Variants in TLK2 observed in about 807,000 individuals in gnomAD.
The protein encoded by TLK2 is tousled like kinase 2, also known as serine/threonine-protein kinase tousled-like 2.
In TLK2, 6 loss-of-function variants were observed where a neutral mutation model predicts 117.3. The ratio of observed to expected loss-of-function variants is 0.05; its 90% CI spans 0.03 to 0.10. The LOEUF is 0.10. Among genes scored for constraint, TLK2 ranks in the 10% least tolerant of loss-of-function variants. The probability of loss-of-function intolerance (pLI) is 1.00; values close to 1 mark genes in which losing one functional copy is unlikely to be tolerated. For missense variants in TLK2, 299 were observed against 901.2 expected, an observed-to-expected ratio of 0.33 and a Z score of 8.56; for synonymous variants, 257 against 316.7, an observed-to-expected ratio of 0.81 and a Z score of 2.00.
At chr17:62,536,773 A>C (rs1158740596) in intron 7 of TLK2, among the ~76,000 whole-genome samples, 1 of 152,134 alleles carries the variant, frequency 6.6e-6, no homozygotes, top group Non-Finnish European at 1.5e-5. Context: ...CTGGTCATTT[A>C]CCCCGTGTAG....
rs115220570 is a variant in TLK2 at position 62,588,973 on chromosome 17, G to A, written c.1460+2747G>A. ...CCTGCTAGTAAGGTCTGTTAATTGCGTTTCCATTCATGGGGATGACTTCCC... is the reference window on the plus strand; with the variant it reads ...CCTGCTAGTAAGGTCTGTTAATTGCATTTCCATTCATGGGGATGACTTCCC... On this transcript the variant is annotated intron_variant, in intron 16 of 21. Transcript: ENST00000346027. Among the ~76,000 whole-genome samples, 811 of 152,154 alleles carry A rather than the reference G, an allele frequency of 5.3e-3. 5 individuals carry two copies. Among genetic ancestry groups the A allele is most frequent in the African/African-American group, 0.018 (758 of 41,506 alleles).
intron 2 of TLK2, chr17:62,516,711 T>C: frequency 6.2e-7 from 1 of 1,602,372 alleles, no homozygotes; most frequent in Admixed American, 1.7e-5. Flanking sequence ...CCACCATGAC[T>C]CCCTCCTTAA....
intron 2 of TLK2, among the ~76,000 whole-genome samples, chr17:62,510,629 C>A (rs2075069581): frequency 2.0e-5 from 3 of 152,240 alleles, no homozygotes; most frequent in African/African-American, 7.2e-5. Flanking sequence ...TTGCAGATGT[C>A]TGCCTCCTTC....
chr17:62,485,347 T>C (rs1346385839), intron 2 of TLK2, among the ~76,000 whole-genome samples: 1 of 152,240 alleles, frequency 6.6e-6, no homozygotes, highest in Non-Finnish European at 1.5e-5. Context: ...GTAAATCTTC[T>C]GTTGTATAAC....
At chr17:62,605,739 T>C (rs896161485) in intron 19 of TLK2, among the ~76,000 whole-genome samples, 1 of 151,778 alleles carries the variant, frequency 6.6e-6, no homozygotes, top group African/African-American at 2.4e-5. Context: ...GTGTGGTGGG[T>C]CACACCTATA....
At chr17:62,561,236 C>T (rs2079251631) in intron 10 of TLK2, among the ~76,000 whole-genome samples, 1 of 152,198 alleles carries the variant, frequency 6.6e-6, no homozygotes, top group African/African-American at 2.4e-5. Context: ...CATTGTTGGA[C>T]ATTTGGATTG....
At chr17:62,477,863 CGT>C (rs1372435785), upstream of TLK2, 1 of 152,250 alleles carries the variant, frequency 6.6e-6, no homozygotes, top group Non-Finnish European at 1.5e-5. Context: ...GAGGGGCCGG[CGT>C]GTTTTCTCCA....
Position 62,493,642 on chromosome 17 carries a change from C to T in TLK2, c.81+12436C>T, listed in dbSNP as rs532213250. ...CAAAAGCTTTAGAAGTCTTAGAAAT[C>T]CTGTTAACATATGCAGATGAACTAG... On this transcript the variant is annotated intron_variant, in intron 2 of 21. Coordinates refer to ENST00000346027, the MANE Select transcript of TLK2 (RefSeq NM_006852.6). 1.3e-3 allele frequency among the ~76,000 whole-genome samples: 198 copies of T among 152,320 alleles called. 3 individuals carry two copies. The South Asian group carries it at 0.04, about 31-fold the overall frequency.
intron 7 of TLK2, 190 bp from the exon 8 acceptor site, chr17:62,552,112 A>G: frequency 3.5e-6 from 3 of 845,892 alleles, no homozygotes; most frequent in East Asian, 2.7e-5. Flanking sequence ...ATAAACCACC[A>G]TGTCCAGCCC....
At chr17:62,543,308 A>G (rs537418069) in intron 7 of TLK2, among the ~76,000 whole-genome samples, 19 of 152,176 alleles carry the variant, frequency 1.2e-4, no homozygotes, top group Non-Finnish European at 2.2e-4. Context: ...TGATGTTGCT[A>G]TGAACATTCA....
chr17:62,473,664 A>G (rs1191801435), intron 1 of TLK2, among the ~76,000 whole-genome samples: 1 of 152,176 alleles, frequency 6.6e-6, no homozygotes, highest in African/African-American at 2.4e-5. Flanking sequence ...ATGCAACCTA[A>G]AGTCTGAGAA....
In TLK2 at chr17:62,585,408, C is replaced by T. The variant is rs191811707; in HGVS notation, c.1369-727C>T. 8.5e-5 allele frequency among the ~76,000 whole-genome samples: 13 copies of T among 152,276 alleles called. No individual in the cohort carries two copies. In the East Asian group the frequency reaches 9.7e-4, roughly 11 times the overall value. ...CAAAAATTAGCCGGGCGTGATGGTG[C>T]GTGCCTGTAATCCCAGCTACTCAGG... On this transcript the variant is annotated intron_variant, in intron 15 of 21. Transcript: ENST00000346027.
Position 62,574,201 on chromosome 17 carries a change from G to A in TLK2, c.1121+834G>A, listed in dbSNP as rs72838227. On this transcript the variant is annotated intron_variant, in intron 12 of 21. Coordinates refer to ENST00000346027, the MANE Select transcript of TLK2 (RefSeq NM_006852.6). The stretch of plus-strand genomic sequence containing the variant: ...ATTATATTATTGTTAAAAGTCTGTG[G>A]CATCCTAGAAGTGCATCTTCTTTCA... The A allele has an allele frequency of 4.4e-3, 5,631 of 1,287,248 alleles. 14 individuals carry two copies. The highest frequency in any genetic ancestry group is 5.0e-3 in the Non-Finnish European group (4,935 of 979,100). The allele number at this position is 1,287,248 out of a possible 1,614,324, so 79.7% of individuals were successfully genotyped here. A position where few individuals can be genotyped will look rare whatever the true frequency, so the allele number is the denominator to read the frequency against.
At chr17:62,604,682 G>A (rs2083133445) in intron 19 of TLK2, among the ~76,000 whole-genome samples, 2 of 151,734 alleles carry the variant, frequency 1.3e-5, no homozygotes, top group African/African-American at 2.4e-5. Context: ...AGGCCAAGGC[G>A]GGCGGATCAT....
In TLK2 at chr17:62,482,424, G is replaced by C. The variant is rs557841159; in HGVS notation, c.81+1218G>C. On this transcript the variant is annotated intron_variant, in intron 2 of 21. Transcript: ENST00000346027. ...CTTCTTTGATGGGTCTCACAGTTTT[G>C]GTGAGCCGGGATAGCTTGATAGGGT... is the stretch of plus-strand genomic sequence containing the variant. Among the ~76,000 whole-genome samples the C allele has an allele frequency of 8.6e-5, 13 of 151,484 alleles. No individual in the cohort carries two copies. In the South Asian group the frequency reaches 1.9e-3, roughly 22 times the overall value.
At chr17:62,516,587 G>A in intron 2 of TLK2, 1 of 1,609,878 alleles carries the variant, frequency 6.2e-7, no homozygotes, top group Non-Finnish European at 8.5e-7. Context: ...CAGGCAAAGT[G>A]TTCTTTCACG....
Position 62,478,863 on chromosome 17 carries a change from C to G in TLK2, c.-433C>G, listed in dbSNP as rs1043414414. On this transcript the variant is annotated 5_prime_UTR_variant, in exon 1 of 22. Coordinates refer to ENST00000346027, the MANE Select transcript of TLK2 (RefSeq NM_006852.6). ...ACCGAACCGATCCGGATTAAGGGGC[C>G]GGAGGCGGGTCCTGGGCACCAGCGG... Among the ~76,000 whole-genome samples, 9 of 151,076 alleles carry G rather than the reference C, an allele frequency of 6.0e-5. No individual in the cohort carries two copies. The highest frequency in any genetic ancestry group is 2.1e-4 in the South Asian group (1 of 4,806).
At chr17:62,558,282 C>T (rs2079011555) in intron 9 of TLK2, among the ~76,000 whole-genome samples, 1 of 152,030 alleles carries the variant, frequency 6.6e-6, no homozygotes. Context: ...CAATCCTCAG[C>T]CTCCCGAACA....
upstream of TLK2, among the ~76,000 whole-genome samples, chr17:62,475,457 C>T (rs1343081568): frequency 6.6e-6 from 1 of 152,142 alleles, no homozygotes; most frequent in Admixed American, 6.5e-5. Flanking sequence ...ATTCTCCTGC[C>T]TCAGTCTCCC....
Sources: allele counts gnomAD v4.1 joint callset (sites outside exome capture counted in the v4.1 genomes callset), GRCh38; gene constraint gnomAD v4.1.1; transcripts MANE v1.5; gene names NCBI Gene and HGNC (gene_info 2026-07-23, HGNC 2026-07-21).